The following USP12 variants were observed in gnomAD, a reference collection of about 807,000 sequenced individuals.
USP12 encodes the protein ubiquitin carboxyl-terminal hydrolase 12.
Under a neutral mutation model 45.5 loss-of-function variants are expected in USP12, and 19 were observed. That is an observed-to-expected ratio of 0.42 (90% CI 0.29 to 0.61). The LOEUF (loss-of-function observed/expected upper bound fraction) is 0.61. Among genes scored for constraint, USP12 ranks in the 20% least tolerant of loss-of-function variants. The probability of loss-of-function intolerance (pLI) is 0.22; values close to 1 mark genes in which losing one functional copy is unlikely to be tolerated. For missense variants in USP12, 242 were observed against 447.7 expected, an observed-to-expected ratio of 0.54 and a Z score of 4.15; for synonymous variants, 149 against 148.8, an observed-to-expected ratio of 1.00 and a Z score of -0.01.
intron 6 of USP12, among the ~76,000 whole-genome samples, chr13:27,083,577 T>C (rs1873863593): frequency 6.6e-6 from 1 of 152,138 alleles, no homozygotes. Context: ...GATAAACGTA[T>C]ATGACCATTA....
intron 1 of USP12, among the ~76,000 whole-genome samples, chr13:27,126,131 T>C (rs1440467926): frequency 6.6e-6 from 1 of 152,240 alleles, no homozygotes; most frequent in African/African-American, 2.4e-5. Flanking sequence ...TCTCCCAGCA[T>C]GGTGTTTCGA....
intron 3 of USP12, among the ~76,000 whole-genome samples, chr13:27,104,528 AGAT>A (rs1278241038): frequency 6.6e-6 from 1 of 152,244 alleles, no homozygotes; most frequent in African/African-American, 2.4e-5. Flanking sequence ...CAAGATAAAC[AGAT>A]CTATAATCTA....
At chr13:27,093,442 A>G (rs1874415712) in intron 4 of USP12, among the ~76,000 whole-genome samples, 1 of 152,244 alleles carries the variant, frequency 6.6e-6, no homozygotes, top group Non-Finnish European at 1.5e-5. Context: ...GATCAACATC[A>G]TATGTCATTA....
chr13:27,149,301 A>G (rs1384254109), intron 1 of USP12, among the ~76,000 whole-genome samples: 2 of 152,278 alleles, frequency 1.3e-5, no homozygotes, highest in East Asian at 3.9e-4. Flanking sequence ...TAGCGAAAAC[A>G]CTGGATGCTT....
chr13:27,075,254 G>A lies in USP12; in HGVS notation c.869C>T (p.Ser290Leu), dbSNP rs1340302557. The A allele has an allele frequency of 1.2e-6, 2 of 1,614,012 alleles. No homozygotes were observed. Among genetic ancestry groups the A allele is most frequent in the Non-Finnish European group, 1.7e-6 (2 of 1,179,900 alleles). Residue 290 changes from serine to leucine, a missense_variant, in exon 7 of 9, where the codon TCA becomes TTA. Transcript: ENST00000282344. ...TCTGTCTGGATTGGTGGCATCACCTGAAGTGTTAAACAGACGAAGTTCTAA... is the reference window on the plus strand; with the variant it reads ...TCTGTCTGGATTGGTGGCATCACCTAAAGTGTTAAACAGACGAAGTTCTAA... ...FPLELRLFNT[S>L]GDATNPDRMY...
At chr13:27,126,256 C>T (rs986008366) in intron 1 of USP12, among the ~76,000 whole-genome samples, 3 of 152,200 alleles carry the variant, frequency 2.0e-5, no homozygotes, top group African/African-American at 7.2e-5. Context: ...CTGGTGCCCC[C>T]TGGGACAAAG....
intron 1 of USP12, among the ~76,000 whole-genome samples, chr13:27,127,234 G>T (rs1475469014): frequency 6.6e-6 from 1 of 152,152 alleles, no homozygotes; most frequent in Non-Finnish European, 1.5e-5. Flanking sequence ...AAGTAGAAGG[G>T]TCTAGACCTA....
rs1419400535 is a variant in USP12 at position 27,067,965 on chromosome 13, A to C, written c.*1318T>G. The C allele has an allele frequency of 6.6e-6, 1 of 152,178 alleles. No homozygotes were observed. The highest frequency in any genetic ancestry group is 2.4e-5 in the African/African-American group (1 of 41,442). 9.4% of individuals were successfully genotyped at this position (152,178 alleles called of 1,614,324 possible). A position where few individuals can be genotyped will look rare whatever the true frequency, so the allele number is the denominator to read the frequency against. ...CCCCAACAGAATGAAGTCTTAGCAA[A>C]CACAGATTTTAATTTCTGAACACCC... On this transcript the variant is annotated 3_prime_UTR_variant, in exon 9 of 9. Transcript: ENST00000282344.
In USP12 at chr13:27,129,551, C is replaced by T. The variant is rs2137809387; in HGVS notation, c.49-12955G>A. Among the ~76,000 whole-genome samples the T allele has an allele frequency of 6.6e-6, 1 of 152,214 alleles. No homozygotes were observed. Among genetic ancestry groups the T allele is most frequent in the East Asian group, 1.9e-4 (1 of 5,182 alleles). ...GAAGGCTGGGCAACATAGCAAGACTCTGTCTCTACAGAGGATGTTGTGGAG... is the reference window on the plus strand; with the variant it reads ...GAAGGCTGGGCAACATAGCAAGACTTTGTCTCTACAGAGGATGTTGTGGAG... On this transcript the variant is annotated intron_variant, in intron 1 of 8. Transcript: ENST00000282344. This position sits in a 1 kb window ranked among gnomAD's most constrained non-coding sequence, Gnocchi z 4.0.
intron 1 of USP12, among the ~76,000 whole-genome samples, chr13:27,149,421 A>G (rs1877466034): frequency 6.6e-6 from 1 of 152,220 alleles, no homozygotes; most frequent in Admixed American, 6.5e-5. Context: ...CCAAATTTGA[A>G]AGGAAGAAGT....
At chr13:27,075,632 T>C (rs67071903) in intron 6 of USP12, among the ~76,000 whole-genome samples, 11,137 of 152,206 alleles carry the variant, frequency 0.073, 477 homozygotes, top group Middle Eastern at 0.092. Context: ...GCACTCAATA[T>C]GGCTCCAAAA....
At chr13:27,123,900 C>A (rs1442022617) in intron 1 of USP12, among the ~76,000 whole-genome samples, 1 of 152,164 alleles carries the variant, frequency 6.6e-6, no homozygotes, top group Non-Finnish European at 1.5e-5. Context: ...AGTATGAATT[C>A]TTGAAAAGAT....
intron 6 of USP12, among the ~76,000 whole-genome samples, chr13:27,084,497 G>GA (rs397851869): frequency 0.086 from 8,455 of 98,280 alleles, 432 homozygotes; most frequent in African/African-American, 0.13. Context: ...ACAGTGAGAT[G>GA]AAAAAAAAAA....
intron 1 of USP12, among the ~76,000 whole-genome samples, chr13:27,141,462 C>G (rs1439049844): frequency 6.6e-6 from 1 of 152,116 alleles, no homozygotes; most frequent in Non-Finnish European, 1.5e-5. Context: ...AATCAAGACA[C>G]TTTAGAATGT....
intron 6 of USP12, among the ~76,000 whole-genome samples, chr13:27,080,512 A>T (rs1474112710): frequency 6.6e-6 from 1 of 152,162 alleles, no homozygotes; most frequent in African/African-American, 2.4e-5. Flanking sequence ...CTTCTTCAAT[A>T]CCTGGTAAGA....
At position 27,129,666 on chromosome 13, in the gene USP12, G is replaced by A. The variant is rs148568003; in HGVS notation, c.49-13070C>T. On this transcript the variant is annotated intron_variant, in intron 1 of 8. Transcript: ENST00000282344. This position sits in a 1 kb window ranked among gnomAD's most constrained non-coding sequence, Gnocchi z 4.0. ...GGCTGCAGTGAACTATGACCTGGGC[G>A]ACAGAGTGAGACCCTATCTCTTAAT... 7.2e-5 allele frequency among the ~76,000 whole-genome samples: 11 copies of A among 152,288 alleles called. No individual in the cohort carries two copies. The East Asian group carries it at 7.7e-4, about 11-fold the overall frequency.
chr13:27,094,611 C>T (rs941532453), intron 4 of USP12, among the ~76,000 whole-genome samples: 4 of 151,698 alleles, frequency 2.6e-5, no homozygotes, highest in African/African-American at 7.3e-5. Flanking sequence ...CGTGATGCCC[C>T]GAGAAAAACA....
In USP12 at chr13:27,075,387, T is replaced by A; in HGVS notation, c.736A>T (p.Met246Leu). The stretch of plus-strand genomic sequence containing the variant: ...ATCATGGGCAGTTTTTTAACTTTCA[T>A]CCTATTAAAAATAAAAATGAAAACA... ...CRSKQEAHKRMKVKKLPMILA... is the reference protein window; with the variant it reads ...CRSKQEAHKRLKVKKLPMILA... Residue 246 changes from methionine to leucine, a missense_variant and splice_region_variant, in exon 7 of 9, where the codon ATG becomes TTG. Physicochemically the swap from Met to Leu is conservative, Grantham distance 15. Around this residue, in one of 5 missense-constraint regions of USP12, gnomAD observed 94 missense variants for 168.3 expected, o/e 0.56. Coordinates refer to ENST00000282344, the MANE Select transcript of USP12 (RefSeq NM_182488.4). 6.2e-7 allele frequency: 1 copy of A among 1,604,194 alleles called. No individual in the cohort carries two copies. The highest frequency in any genetic ancestry group is 8.5e-7 in the Non-Finnish European group (1 of 1,175,678).
chr13:27,087,406 G>C (rs2137767902), intron 6 of USP12, among the ~76,000 whole-genome samples: 1 of 152,284 alleles, frequency 6.6e-6, no homozygotes, highest in Non-Finnish European at 1.5e-5. Context: ...CAACTGTACT[G>C]TCAGAAAAAG....
Sources: allele counts gnomAD v4.1 joint callset (sites outside exome capture counted in the v4.1 genomes callset), GRCh38; gene constraint gnomAD v4.1.1; regional missense constraint gnomAD v4.1.1; non-coding constraint Gnocchi (gnomAD v3.1); transcripts MANE v1.5; gene names NCBI Gene and HGNC (gene_info 2026-07-23, HGNC 2026-07-21).